The following RGS6 variants were observed in gnomAD, a reference collection of about 807,000 sequenced individuals.
RGS6 encodes the protein regulator of G protein signaling 6, also known as regulator of G-protein signaling 6.
Under a neutral mutation model 78.5 loss-of-function variants are expected in RGS6, and 30 were observed. The ratio of observed to expected loss-of-function variants is 0.38; its 90% CI spans 0.29 to 0.52. The LOEUF (loss-of-function observed/expected upper bound fraction) is 0.52. Among genes scored for constraint, RGS6 ranks in the 20% least tolerant of loss-of-function variants. RGS6 has a pLI of 0.85. For synonymous variants in RGS6, 206 were observed against 206.0 expected, an observed-to-expected ratio of 1.00 and a Z score of 0.00; for missense variants, 495 against 609.7, an observed-to-expected ratio of 0.81 and a Z score of 1.98.
intron 2 of RGS6, among the ~76,000 whole-genome samples, chr14:72,284,279 G>A (rs2062094049): frequency 1.3e-5 from 2 of 152,284 alleles, no homozygotes; most frequent in South Asian, 2.1e-4. Context: ...TAATCACCAA[G>A]GCAATGGGGA....
At chr14:72,226,966 C>A (rs777352683) in intron 2 of RGS6, among the ~76,000 whole-genome samples, 1 of 152,164 alleles carries the variant, frequency 6.6e-6, no homozygotes, top group Non-Finnish European at 1.5e-5. Flanking sequence ...GCATTACAGG[C>A]GTGAGCCACT....
chr14:72,217,137 C>T (rs1032543374), intron 2 of RGS6, among the ~76,000 whole-genome samples: 6 of 152,230 alleles, frequency 3.9e-5, no homozygotes, highest in African/African-American at 1.4e-4. Context: ...CAAAGTGCCC[C>T]CCAAGAGTTA....
chr14:72,121,604 T>C (rs1342942986), intron 2 of RGS6, among the ~76,000 whole-genome samples: 2 of 152,208 alleles, frequency 1.3e-5, no homozygotes, highest in African/African-American at 4.8e-5. Flanking sequence ...TGAGAGTTTA[T>C]TGCTGCCTTC....
At chr14:71,960,269 A>G (rs2093093144) in intron 1 of RGS6, among the ~76,000 whole-genome samples, 1 of 152,072 alleles carries the variant, frequency 6.6e-6, no homozygotes, top group African/African-American at 2.4e-5. Flanking sequence ...CTCACCACAT[A>G]TTCCTTCTTA....
At chr14:72,199,213 G>A (rs1759314763) in intron 2 of RGS6, among the ~76,000 whole-genome samples, 1 of 152,208 alleles carries the variant, frequency 6.6e-6, no homozygotes, top group Admixed American at 6.5e-5. Flanking sequence ...GTGGCAATTA[G>A]TGACATTTTG....
At chr14:72,164,171 G>A (rs548047209) in intron 2 of RGS6, among the ~76,000 whole-genome samples, 116 of 152,276 alleles carry the variant, frequency 7.6e-4, no homozygotes, top group Middle Eastern at 3.4e-3. Context: ...CCTGTTAGTT[G>A]TAGCATTTTG....
chr14:72,147,950 T>C (rs1171090082), intron 2 of RGS6, among the ~76,000 whole-genome samples: 1 of 151,914 alleles, frequency 6.6e-6, no homozygotes, highest in Non-Finnish European at 1.5e-5. Flanking sequence ...GCTAACATGG[T>C]GAAACCCCAT....
At chr14:71,873,836 A>G in the RGS6 span, among the ~76,000 whole-genome samples, 30 of 152,312 alleles carry the variant, frequency 2.0e-4, no homozygotes, top group African/African-American at 7.0e-4. Flanking sequence ...TAAAGAAGGG[A>G]TCCCGTTTCA....
intron 2 of RGS6, among the ~76,000 whole-genome samples, chr14:72,252,011 G>C (rs564876124): frequency 2.6e-5 from 4 of 152,286 alleles, no homozygotes; most frequent in African/African-American, 9.6e-5. Context: ...CCCTAGATGA[G>C]CTATGCCATT....
At chr14:72,188,418 C>G (rs2097277206) in intron 2 of RGS6, among the ~76,000 whole-genome samples, 1 of 152,090 alleles carries the variant, frequency 6.6e-6, no homozygotes, top group African/African-American at 2.4e-5. Flanking sequence ...ATCTCATGAG[C>G]TAATGCCCCT....
the RGS6 span, among the ~76,000 whole-genome samples, chr14:72,582,074 C>T: frequency 6.6e-6 from 1 of 152,078 alleles, no homozygotes; most frequent in Non-Finnish European, 1.5e-5. Context: ...ATTTGTTTCC[C>T]AGGGAAAACA....
chr14:72,492,966 A>AGCCT (rs2096597751), intron 12 of RGS6, among the ~76,000 whole-genome samples: 1 of 152,210 alleles, frequency 6.6e-6, no homozygotes, highest in Admixed American at 6.5e-5. Flanking sequence ...CCCTGCAGAA[A>AGCCT]AAGCTTGCCA....
intron 2 of RGS6, among the ~76,000 whole-genome samples, chr14:72,060,544 CTT>C (rs2093844530): frequency 6.6e-6 from 1 of 152,092 alleles, no homozygotes; most frequent in Non-Finnish European, 1.5e-5. Flanking sequence ...ATTTATTAAT[CTT>C]ATCTTGTTTC....
rs180682875 is a variant in RGS6, at chr14:72,437,092, G to C, written c.185-17436G>C. 2.0e-5 allele frequency among the ~76,000 whole-genome samples: 3 copies of C among 150,338 alleles called. No individual in the cohort carries two copies. In the East Asian group the frequency reaches 5.9e-4, roughly 29 times the overall value. ...TCCCAGCACTTTGGGAGGCCAAGGT[G>C]GGGGGAATCACCTGAGGTCAGGAGT... On this transcript the variant is annotated intron_variant, in intron 3 of 17. Transcript: ENST00000553525.
At chr14:72,189,178 T>C (rs993887132) in intron 2 of RGS6, among the ~76,000 whole-genome samples, 1 of 152,168 alleles carries the variant, frequency 6.6e-6, no homozygotes, top group African/African-American at 2.4e-5. Context: ...TATTAAACAA[T>C]TGAGTGTGGC....
intron 3 of RGS6, among the ~76,000 whole-genome samples, chr14:72,359,372 G>T (rs1320076112): frequency 6.6e-6 from 1 of 151,984 alleles, no homozygotes; most frequent in East Asian, 1.9e-4. Context: ...TAATAGGGGT[G>T]CCAGGGGTTG....
At chr14:72,575,442 G>A in the RGS6 span, among the ~76,000 whole-genome samples, 2 of 152,166 alleles carry the variant, frequency 1.3e-5, no homozygotes, top group African/African-American at 4.8e-5. Context: ...CATTGAGGGT[G>A]AGGAGAGGAT....
intron 12 of RGS6, among the ~76,000 whole-genome samples, chr14:72,483,647 C>A (rs1028432292): frequency 6.6e-6 from 1 of 151,788 alleles, no homozygotes; most frequent in African/African-American, 2.4e-5. Flanking sequence ...TACAACTTTG[C>A]TTTTATGGGA....
the RGS6 span, among the ~76,000 whole-genome samples, chr14:71,882,321 T>C: frequency 6.6e-6 from 1 of 152,278 alleles, no homozygotes; most frequent in Non-Finnish European, 1.5e-5. Context: ...TATGTGTATA[T>C]GTGTATATCG....
Sources: gnomAD v4.1 joint callset for allele counts (sites outside exome capture counted in the v4.1 genomes callset) on GRCh38, gnomAD v4.1.1 for gene constraint, MANE v1.5 for transcripts, NCBI Gene and HGNC (gene_info 2026-07-23, HGNC 2026-07-21) for gene names.